The following IMMP2L variants were observed in gnomAD, a reference collection of about 807,000 sequenced individuals.
The protein encoded by IMMP2L is inner mitochondrial membrane peptidase subunit 2, also known as mitochondrial inner membrane protease subunit 2.
A neutral mutation model predicts 19.3 loss-of-function variants in IMMP2L; 18 were observed. That is an observed-to-expected ratio of 0.93 (90% CI 0.64 to 1.38). The LOEUF is 1.38. Ranked by LOEUF, IMMP2L falls within the 40% of genes most tolerant of loss-of-function variation. IMMP2L has a pLI of 0.00. For missense variants in IMMP2L, 233 were observed against 218.2 expected (o/e 1.07, Z -0.43); for synonymous variants, 76 against 73.0 (o/e 1.04, Z -0.21).
chr7:111,440,856 T>C (rs1444792086), intron 3 of IMMP2L, among the ~76,000 whole-genome samples: 1 of 151,932 alleles, frequency 6.6e-6, no homozygotes, highest in Non-Finnish European at 1.5e-5. Context: ...TCAATTATCT[T>C]AGCTGGATCT....
chr7:110,740,281 A>G (rs566641281), intron 5 of IMMP2L, among the ~76,000 whole-genome samples: 35 of 152,290 alleles, frequency 2.3e-4, no homozygotes, highest in African/African-American at 8.2e-4. Context: ...AAATGAAACA[A>G]AAAGCTGGTT....
At chr7:111,468,560 A>G (rs112803707) in intron 3 of IMMP2L, among the ~76,000 whole-genome samples, 2 of 152,142 alleles carry the variant, frequency 1.3e-5, no homozygotes, top group African/African-American at 4.8e-5. Context: ...AGTTAAAGAT[A>G]GAACAGCAGT....
At chr7:110,802,481 A>G (rs1208024187) in intron 5 of IMMP2L, among the ~76,000 whole-genome samples, 4 of 151,758 alleles carry the variant, frequency 2.6e-5, no homozygotes, top group Non-Finnish European at 5.9e-5. Context: ...CTATACCATT[A>G]TTATTTTGTA....
chr7:111,232,544 A>T (rs1405806390), intron 3 of IMMP2L, among the ~76,000 whole-genome samples: 1 of 152,014 alleles, frequency 6.6e-6, no homozygotes, highest in Non-Finnish European at 1.5e-5. Context: ...GAACCAATAA[A>T]TTCTTTTGTT....
chr7:111,412,427 G>C lies in IMMP2L; in HGVS notation c.239+74811C>G, dbSNP rs1343191086. Reference sequence around the variant, plus strand: ...ATTCCAGGCCTTAAAAAAATGGATTGAAATCACTCAAAGTACTTTCTTTGA... The same window carrying C: ...ATTCCAGGCCTTAAAAAAATGGATTCAAATCACTCAAAGTACTTTCTTTGA... On this transcript the variant is annotated intron_variant, in intron 3 of 5. Coordinates refer to ENST00000405709, the MANE Select transcript of IMMP2L (RefSeq NM_032549.4). 2.0e-5 allele frequency among the ~76,000 whole-genome samples: 3 copies of C among 151,722 alleles called. No individual in the cohort carries two copies. In the East Asian group the frequency reaches 5.8e-4, roughly 29 times the overall value.
chr7:111,318,109 C>T (rs1824297028), intron 3 of IMMP2L, among the ~76,000 whole-genome samples: 1 of 152,126 alleles, frequency 6.6e-6, no homozygotes. Context: ...GAAGTAAAAA[C>T]TACACTAGCT....
intron 4 of IMMP2L, among the ~76,000 whole-genome samples, chr7:110,900,858 C>T (rs556776477): frequency 6.6e-6 from 1 of 152,014 alleles, no homozygotes; most frequent in Non-Finnish European, 1.5e-5. Flanking sequence ...TGGATTGTTC[C>T]TTCTGGGAAT....
intron 3 of IMMP2L, among the ~76,000 whole-genome samples, chr7:111,370,224 T>A (rs970459738): frequency 6.6e-6 from 1 of 151,976 alleles, no homozygotes; most frequent in Non-Finnish European, 1.5e-5. Flanking sequence ...TCAGGCAACA[T>A]TTAACATCTC....
chr7:110,670,782 A>G (rs898424212), intron 5 of IMMP2L, among the ~76,000 whole-genome samples: 13 of 152,184 alleles, frequency 8.5e-5, no homozygotes, highest in African/African-American at 2.9e-4. Context: ...CTGACTCCTC[A>G]AAATAGGGGA....
intron 3 of IMMP2L, among the ~76,000 whole-genome samples, chr7:111,475,327 G>C (rs1027517697): frequency 1.3e-5 from 2 of 151,944 alleles, no homozygotes; most frequent in Non-Finnish European, 2.9e-5. Flanking sequence ...AATTTGGTGG[G>C]TGTCGTTTTA....
intron 3 of IMMP2L, among the ~76,000 whole-genome samples, chr7:111,291,006 G>A (rs1821046442): frequency 6.6e-6 from 1 of 151,970 alleles, no homozygotes; most frequent in African/African-American, 2.4e-5. Context: ...GAGGAAAGAA[G>A]GAAGTGTGTT....
chr7:110,800,446 A>G (rs545276839), intron 5 of IMMP2L, among the ~76,000 whole-genome samples: 118 of 152,190 alleles, frequency 7.8e-4, no homozygotes, highest in African/African-American at 2.7e-3. Context: ...AAAAGAGAAC[A>G]AAACCAGAAA....
At chr7:110,884,880 A>G (rs796345259) in intron 5 of IMMP2L, among the ~76,000 whole-genome samples, 2 of 152,182 alleles carry the variant, frequency 1.3e-5, no homozygotes, top group African/African-American at 4.8e-5. Context: ...AAGTAGGAGT[A>G]GTTTCCTAAA....
intron 3 of IMMP2L, among the ~76,000 whole-genome samples, chr7:110,965,940 T>G (rs1260031801): frequency 6.6e-6 from 1 of 151,998 alleles, no homozygotes; most frequent in African/African-American, 2.4e-5. Context: ...CTTCCAGAAA[T>G]GTATCCTAAT....
intron 3 of IMMP2L, among the ~76,000 whole-genome samples, chr7:111,169,186 A>T (rs1806163952): frequency 6.6e-6 from 1 of 151,906 alleles, no homozygotes; most frequent in South Asian, 2.1e-4. Context: ...CTGACCAAAG[A>T]AAAAGACATT....
intron 3 of IMMP2L, among the ~76,000 whole-genome samples, chr7:111,032,221 A>G (rs1790900849): frequency 6.6e-6 from 1 of 152,156 alleles, no homozygotes; most frequent in South Asian, 2.1e-4. Flanking sequence ...GATTACAGGC[A>G]TGAGCCACCG....
chr7:110,740,507 G>T (rs1242282125), intron 5 of IMMP2L, among the ~76,000 whole-genome samples: 1 of 152,080 alleles, frequency 6.6e-6, no homozygotes, highest in African/African-American at 2.4e-5. Flanking sequence ...AACCCTCCTA[G>T]ATTAAACCAG....
At chr7:111,111,938 G>GTTTTTTTT (rs1554519289) in intron 3 of IMMP2L, among the ~76,000 whole-genome samples, 2 of 118,526 alleles carry the variant, frequency 1.7e-5, no homozygotes, top group Non-Finnish European at 3.4e-5. Context: ...TATATATATA[G>GTTTTTTTT]TTTGTTTTTT....
At chr7:111,302,539 C>T (rs1163632106) in intron 3 of IMMP2L, among the ~76,000 whole-genome samples, 10 of 152,078 alleles carry the variant, frequency 6.6e-5, no homozygotes, top group Non-Finnish European at 1.0e-4. Context: ...CGGGCTCATT[C>T]AGTCTTCATG....
Sources: allele counts gnomAD v4.1 joint callset (sites outside exome capture counted in the v4.1 genomes callset), GRCh38; gene constraint gnomAD v4.1.1; transcripts MANE v1.5; gene names NCBI Gene and HGNC (gene_info 2026-07-23, HGNC 2026-07-21).